MARCHF5: variants seen among roughly 807,000 people sequenced by gnomAD.
MARCHF5 encodes the protein membrane associated ring-CH-type finger 5, also known as E3 ubiquitin-protein ligase MARCHF5.
A neutral mutation model predicts 36.5 loss-of-function variants in MARCHF5; 5 were observed. The ratio of observed to expected loss-of-function variants is 0.14; its 90% CI spans 0.07 to 0.29. The LOEUF is 0.29. Ranked by LOEUF, MARCHF5 falls within the 10% of genes least tolerant of loss-of-function variation. MARCHF5 has a pLI of 1.00. For missense variants in MARCHF5, 179 were observed against 336.3 expected, an observed-to-expected ratio of 0.53 and a Z score of 3.66; for synonymous variants, 103 against 109.9, an observed-to-expected ratio of 0.94 and a Z score of 0.39.
intron 3 of MARCHF5, among the ~76,000 whole-genome samples, chr10:92,341,097 C>T (rs1054648776): frequency 3.9e-5 from 6 of 152,072 alleles, no homozygotes; most frequent in East Asian, 1.9e-4. Flanking sequence ...TGTGGATAGA[C>T]GTTTAGTTAG....
intron 1 of MARCHF5, among the ~76,000 whole-genome samples, chr10:92,292,029 C>T (rs986299905): frequency 6.6e-6 from 1 of 151,274 alleles, no homozygotes; most frequent in Admixed American, 6.6e-5. Context: ...CCGTCCCCCC[C>T]GCCCCATCCC....
intron 2 of MARCHF5, among the ~76,000 whole-genome samples, chr10:92,316,108 A>G (rs1843205510): frequency 6.6e-6 from 1 of 152,232 alleles, no homozygotes; most frequent in Non-Finnish European, 1.5e-5. Context: ...AGAGAGGGAA[A>G]GGTGATGATG....
intron 1 of MARCHF5, 179 bp downstream of exon 1, chr10:92,291,708 G>A: frequency 1.9e-6 from 1 of 529,612 alleles, no homozygotes; most frequent in Non-Finnish European, 2.4e-6. Context: ...AGAGCGAGCG[G>A]CCTGGGTCGT....
intron 1 of MARCHF5, among the ~76,000 whole-genome samples, chr10:92,310,921 A>G (rs941059269): frequency 1.3e-5 from 2 of 152,248 alleles, no homozygotes; most frequent in African/African-American, 2.4e-5. Flanking sequence ...TTCAGAAAAC[A>G]TAAGTTCTGT....
rs777788683 is a variant in MARCHF5, at chr10:92,311,325, T to C, written c.226T>C (p.Phe76Leu). 2.5e-6 allele frequency: 4 copies of C among 1,581,064 alleles called. No homozygotes were observed. The highest frequency in any genetic ancestry group is 1.7e-6 in the Non-Finnish European group (2 of 1,162,478). The change falls in exon 2 of 6, where the codon TTT becomes CTT. Residue 76 changes from phenylalanine (F) to leucine (L), a missense_variant. This residue lies in a region of MARCHF5 where 66 missense variants were observed against 180.5 expected (regional missense o/e 0.37). Transcript: ENST00000358935. ...PQCNAEYLIV[F>L]PKLGPVVYVL... is the part of the protein sequence containing the mutation. Reference sequence around the variant, plus strand: ...GTGCAATGCTGAATACCTAATAGTTTTTCCAAAATTGGGTAAGAATATCTT... The same window carrying C: ...GTGCAATGCTGAATACCTAATAGTTCTTCCAAAATTGGGTAAGAATATCTT...
intron 2 of MARCHF5, among the ~76,000 whole-genome samples, chr10:92,318,824 G>T (rs569720633): frequency 1.3e-4 from 19 of 151,644 alleles, no homozygotes; most frequent in African/African-American, 4.4e-4. Flanking sequence ...CTCCTGCCTC[G>T]GCCTCCCAAG....
intron 1 of MARCHF5, among the ~76,000 whole-genome samples, chr10:92,310,127 A>ATG (rs1290489819): frequency 6.6e-6 from 1 of 152,214 alleles, no homozygotes; most frequent in East Asian, 1.9e-4. Flanking sequence ...TCACCCATCT[A>ATG]TAATACCTGA....
intron 1 of MARCHF5, among the ~76,000 whole-genome samples, chr10:92,309,553 T>C (rs1176300691): frequency 6.6e-6 from 1 of 152,242 alleles, no homozygotes; most frequent in Non-Finnish European, 1.5e-5. Context: ...ATTTTGTTGC[T>C]AAAATGATAC....
intron 1 of MARCHF5, among the ~76,000 whole-genome samples, chr10:92,305,830 G>T (rs747026882): frequency 6.6e-6 from 1 of 152,138 alleles, no homozygotes. Context: ...CTCAGGAGGC[G>T]GAGGTGGGAG....
At chr10:92,294,014 G>A (rs146018365) in intron 1 of MARCHF5, among the ~76,000 whole-genome samples, 1 of 152,250 alleles carries the variant, frequency 6.6e-6, no homozygotes, top group Non-Finnish European at 1.5e-5. Context: ...TACCTGGGGA[G>A]CATTTCAGAA....
At chr10:92,295,315 C>A (rs3118968) in intron 1 of MARCHF5, among the ~76,000 whole-genome samples, 5 of 12,464 alleles carry the variant, frequency 4.0e-4, no homozygotes, top group Non-Finnish European at 8.6e-4. Context: ...GGCAACTTTT[C>A]TTTTTTTTTT....
intron 1 of MARCHF5, among the ~76,000 whole-genome samples, chr10:92,309,293 A>C (rs1206522615): frequency 6.6e-6 from 1 of 152,224 alleles, no homozygotes; most frequent in African/African-American, 2.4e-5. Context: ...TAGCTACACA[A>C]GTATTCTCAT....
intron 1 of MARCHF5, among the ~76,000 whole-genome samples, chr10:92,292,125 A>G (rs922140309): frequency 5.3e-5 from 8 of 151,394 alleles, no homozygotes; most frequent in Middle Eastern, 3.2e-3. Flanking sequence ...AAAACAGCCA[A>G]ATGAGTCCAA....
intron 2 of MARCHF5, among the ~76,000 whole-genome samples, chr10:92,331,530 T>C (rs1843435877): frequency 6.6e-6 from 1 of 152,140 alleles, no homozygotes. Context: ...TCAGTTGTTT[T>C]ATGTATATTG....
At chr10:92,351,004 G>A (rs779613974) in intron 5 of MARCHF5, 87 bp from the exon 6 acceptor site, 19 of 724,328 alleles carry the variant, frequency 2.6e-5, no homozygotes, top group Admixed American at 1.9e-4. Flanking sequence ...CAAAGCCTAC[G>A]TCTTTTGTGA....
chr10:92,346,285 T>G (rs144988874), intron 3 of MARCHF5, among the ~76,000 whole-genome samples: 1 of 152,190 alleles, frequency 6.6e-6, no homozygotes, highest in Non-Finnish European at 1.5e-5. Context: ...CTTGTTTGGT[T>G]TGATTTTCTC....
intron 2 of MARCHF5, among the ~76,000 whole-genome samples, chr10:92,324,784 A>G (rs1420703927): frequency 1.3e-5 from 2 of 151,704 alleles, no homozygotes; most frequent in Non-Finnish European, 2.9e-5. Flanking sequence ...ATTTTCACAT[A>G]TTTGTAAATT....
chr10:92,296,150 C>T (rs1379751953), intron 1 of MARCHF5, among the ~76,000 whole-genome samples: 2 of 152,142 alleles, frequency 1.3e-5, no homozygotes, highest in African/African-American at 2.4e-5. Context: ...GCTGGGATTA[C>T]AGGGGTGAGC....
At chr10:92,308,766 G>A (rs967323752) in intron 1 of MARCHF5, among the ~76,000 whole-genome samples, 3 of 149,802 alleles carry the variant, frequency 2.0e-5, no homozygotes, top group Non-Finnish European at 3.0e-5. Context: ...GTGCAGTGGC[G>A]CGATCTTGGC....
Sources: allele counts gnomAD v4.1 joint callset (sites outside exome capture counted in the v4.1 genomes callset), GRCh38; gene constraint gnomAD v4.1.1; regional missense constraint gnomAD v4.1.1; transcripts MANE v1.5; gene names NCBI Gene and HGNC (gene_info 2026-07-23, HGNC 2026-07-21).